Variants in NALF1 observed in about 807,000 individuals in gnomAD.
NALF1 encodes the protein family with sequence similarity 155 member A.
In NALF1, 3 loss-of-function variants were observed where a neutral mutation model predicts 48.4. That is an observed-to-expected ratio of 0.06 (90% confidence interval 0.03 to 0.16). The LOEUF (loss-of-function observed/expected upper bound fraction) is 0.16, where lower values mean the gene tolerates loss of function less well. Ranked by LOEUF, NALF1 falls within the 10% of genes least tolerant of loss-of-function variation. NALF1 has a pLI of 1.00. For synonymous variants in NALF1, 262 were observed against 245.7 expected, an observed-to-expected ratio of 1.07 and a Z score of -0.62; for missense variants, 526 against 571.5, an observed-to-expected ratio of 0.92 and a Z score of 0.81.
intron 1 of NALF1, among the ~76,000 whole-genome samples, chr13:107,504,457 G>A (rs181187479): frequency 1.9e-4 from 29 of 152,082 alleles, no homozygotes; most frequent in African/African-American, 5.8e-4. Context: ...TATGCGAGAC[G>A]ATAGATATGT....
At chr13:107,670,255 G>A (rs574643298) in intron 1 of NALF1, among the ~76,000 whole-genome samples, 5 of 151,814 alleles carry the variant, frequency 3.3e-5, no homozygotes, top group Admixed American at 1.3e-4. Flanking sequence ...TAGTCCTACC[G>A]GTAAAACTGT....
chr13:107,308,447 C>T (rs1409846522), intron 1 of NALF1, among the ~76,000 whole-genome samples: 1 of 152,026 alleles, frequency 6.6e-6, no homozygotes, highest in African/African-American at 2.4e-5. Context: ...CGTGATCCGC[C>T]CGCCTCGGCC....
chr13:107,702,197 T>C (rs1198225529), intron 1 of NALF1, among the ~76,000 whole-genome samples: 1 of 152,170 alleles, frequency 6.6e-6, no homozygotes, highest in East Asian at 1.9e-4. Flanking sequence ...CTTTCACTTA[T>C]TATTTGAGTG....
intron 1 of NALF1, among the ~76,000 whole-genome samples, chr13:107,392,223 C>T (rs1883638384): frequency 6.6e-6 from 1 of 151,952 alleles, no homozygotes. Context: ...TCATGGGGTG[C>T]TTTTGTGCAA....
At chr13:107,443,450 C>G (rs577323656) in intron 1 of NALF1, among the ~76,000 whole-genome samples, 1 of 152,174 alleles carries the variant, frequency 6.6e-6, no homozygotes, top group East Asian at 1.9e-4. Flanking sequence ...CCCATGACCT[C>G]AAGTGATCCA....
At chr13:107,458,663 AAAG>A (rs1884866707) in intron 1 of NALF1, among the ~76,000 whole-genome samples, 1 of 152,226 alleles carries the variant, frequency 6.6e-6, no homozygotes, top group African/African-American at 2.4e-5. Flanking sequence ...GGAAAATCAT[AAAG>A]AAGAGCTGCC....
chr13:107,655,713 A>G (rs1046250269), intron 1 of NALF1, among the ~76,000 whole-genome samples: 2 of 152,032 alleles, frequency 1.3e-5, no homozygotes, highest in African/African-American at 4.8e-5. Flanking sequence ...AAGCAAGACT[A>G]AGAAAAAAAA....
chr13:107,347,856 G>C (rs1275330525), intron 1 of NALF1, among the ~76,000 whole-genome samples: 1 of 152,194 alleles, frequency 6.6e-6, no homozygotes, highest in Non-Finnish European at 1.5e-5. Context: ...TGCATGAAAT[G>C]TTCCAAGCTT....
At chr13:107,481,053 T>C (rs9301232) in intron 1 of NALF1, among the ~76,000 whole-genome samples, 85,906 of 152,068 alleles carry the variant, frequency 0.56, 26,718 homozygotes, top group Middle Eastern at 0.74. Flanking sequence ...GATTTGAATA[T>C]GTTAGCCCTT....
intron 1 of NALF1, among the ~76,000 whole-genome samples, chr13:107,615,114 A>C (rs1052295872): frequency 6.6e-6 from 1 of 152,156 alleles, no homozygotes; most frequent in African/African-American, 2.4e-5. Context: ...TAGACATCTG[A>C]ATATGATGCC....
chr13:107,480,369 T>C (rs141420900), intron 1 of NALF1, among the ~76,000 whole-genome samples: 1 of 152,288 alleles, frequency 6.6e-6, no homozygotes, highest in East Asian at 1.9e-4. Flanking sequence ...CTTCTTCATT[T>C]ATTAAGTCAT....
intron 1 of NALF1, among the ~76,000 whole-genome samples, chr13:107,664,617 C>T (rs1347889721): frequency 6.6e-6 from 1 of 152,174 alleles, no homozygotes; most frequent in African/African-American, 2.4e-5. Flanking sequence ...GACTTCTCTC[C>T]TATTCTACTC....
intron 2 of NALF1, among the ~76,000 whole-genome samples, chr13:107,201,168 C>CTATCATCT (rs397784010): frequency 6.6e-6 from 1 of 150,480 alleles, no homozygotes; most frequent in Non-Finnish European, 1.5e-5. Context: ...ATCTATCTAT[C>CTATCATCT]ATCTATCTAT....
At chr13:107,719,961 T>G (rs1020643285) in intron 1 of NALF1, among the ~76,000 whole-genome samples, 1 of 152,126 alleles carries the variant, frequency 6.6e-6, no homozygotes, top group Non-Finnish European at 1.5e-5. Context: ...CCTCTGCTCA[T>G]GTTTCTCTCT....
At chr13:107,837,678 A>C (rs1324034794) in intron 1 of NALF1, among the ~76,000 whole-genome samples, 1 of 146,752 alleles carries the variant, frequency 6.8e-6, no homozygotes, top group East Asian at 2.2e-4. Context: ...ATGCCCCACC[A>C]GCTGCGCAGA....
At chr13:107,376,103 G>A (rs900471283) in intron 1 of NALF1, among the ~76,000 whole-genome samples, 1 of 152,088 alleles carries the variant, frequency 6.6e-6, no homozygotes, top group Non-Finnish European at 1.5e-5. Flanking sequence ...GGACAATCAA[G>A]CAGCCCTTGG....
At chr13:107,702,511 GT>G (rs34719013) in intron 1 of NALF1, among the ~76,000 whole-genome samples, 49,469 of 151,858 alleles carry the variant, frequency 0.33, 8,325 homozygotes, top group Middle Eastern at 0.52. Context: ...TGTTTAAGAA[GT>G]TTTGTAGTTT....
chr13:107,669,922 T>A (rs1880951509), intron 1 of NALF1, among the ~76,000 whole-genome samples: 1 of 152,076 alleles, frequency 6.6e-6, no homozygotes, highest in South Asian at 2.1e-4. Context: ...CTGCAAATCC[T>A]CCCTTATGAA....
intron 1 of NALF1, among the ~76,000 whole-genome samples, chr13:107,740,053 G>A (rs149582756): frequency 2.1e-4 from 32 of 152,184 alleles, no homozygotes; most frequent in Non-Finnish European, 4.3e-4. Context: ...TGCACAATAA[G>A]TGTAATCCAC....
Sources: gnomAD v4.1 joint callset for allele counts (sites outside exome capture counted in the v4.1 genomes callset) on GRCh38, gnomAD v4.1.1 for gene constraint, MANE v1.5 for transcripts, NCBI Gene and HGNC (gene_info 2026-07-23, HGNC 2026-07-21) for gene names.